Variants in GNG12 observed in about 807,000 individuals in gnomAD.
GNG12 encodes the protein G protein subunit gamma 12, also known as guanine nucleotide-binding protein G(I)/G(S)/G(O) subunit gamma-12.
For missense variants in GNG12, 69 were observed against 83.8 expected (o/e 0.82, Z 0.69); for synonymous variants, 28 against 29.7 (o/e 0.94, Z 0.19).
At position 67,703,913 on chromosome 1, in the gene GNG12, TG is replaced by T. The variant is rs1646229661; in HGVS notation, c.*1537del. 1 of 152,252 alleles carries T rather than the reference TG, an allele frequency of 6.6e-6. No homozygotes were observed. The highest frequency in any genetic ancestry group is 6.5e-5 in the Admixed American group (1 of 15,288). 9.4% of individuals were successfully genotyped at this position (152,252 alleles called of 1,614,324 possible). A position where few individuals can be genotyped will look rare whatever the true frequency, so the allele number is the denominator to read the frequency against. On this transcript the variant is annotated 3_prime_UTR_variant, in exon 4 of 4. Coordinates refer to ENST00000370982, the MANE Select transcript of GNG12 (RefSeq NM_018841.6). ...AAAATCGTTGTAAATAATTACTTCC[TG>T]GGGTTGATTCCTTTTTGAGGGGAAG...
At chr1:67,784,157 T>C (rs945340379) in intron 1 of GNG12, among the ~76,000 whole-genome samples, 2 of 150,882 alleles carry the variant, frequency 1.3e-5, no homozygotes, top group Non-Finnish European at 3.0e-5. Context: ...AGAGTTCATG[T>C]CCTTTGTAGG....
At chr1:67,813,356 G>A in intron 1 of GNG12, among the ~76,000 whole-genome samples, 1 of 152,124 alleles carries the variant, frequency 6.6e-6, no homozygotes, top group Non-Finnish European at 1.5e-5. Flanking sequence ...TGATAAATCT[G>A]GTGCAGTTTA....
At chr1:67,785,168 T>A (rs1429473206) in intron 1 of GNG12, among the ~76,000 whole-genome samples, 2 of 152,144 alleles carry the variant, frequency 1.3e-5, no homozygotes, top group Non-Finnish European at 2.9e-5. Flanking sequence ...TAAGAAAGCC[T>A]TTACACACAG....
intron 2 of GNG12, among the ~76,000 whole-genome samples, chr1:67,708,816 G>T (rs1570473194): frequency 1.3e-5 from 2 of 152,296 alleles, no homozygotes; most frequent in African/African-American, 4.8e-5. Flanking sequence ...CTATGTGAGG[G>T]CTCAGCAAAG....
At chr1:67,795,143 A>G (rs886392841) in intron 1 of GNG12, among the ~76,000 whole-genome samples, 7 of 152,232 alleles carry the variant, frequency 4.6e-5, no homozygotes, top group Non-Finnish European at 7.3e-5. Flanking sequence ...TGCAGCTTCA[A>G]ACAGTAATCT....
At chr1:67,716,072 G>A (rs1196518495) in intron 2 of GNG12, among the ~76,000 whole-genome samples, 1 of 152,212 alleles carries the variant, frequency 6.6e-6, no homozygotes, top group Non-Finnish European at 1.5e-5. Context: ...AGAACATGTT[G>A]CTGGCTTACA....
intron 3 of GNG12, among the ~76,000 whole-genome samples, chr1:67,707,212 C>T (rs1464559232): frequency 6.6e-6 from 1 of 152,250 alleles, no homozygotes; most frequent in Non-Finnish European, 1.5e-5. Context: ...TTACGTGAAG[C>T]TGCCTCAGCT....
chr1:67,766,133 CA>C (rs1557610087), intron 2 of GNG12, among the ~76,000 whole-genome samples: 4 of 151,442 alleles, frequency 2.6e-5, no homozygotes, highest in African/African-American at 9.7e-5. Context: ...CACACACACA[CA>C]CACACACACA....
intron 1 of GNG12, among the ~76,000 whole-genome samples, chr1:67,787,036 A>AGTGTGTGTGT (rs56084524): frequency 0.12 from 15,734 of 131,216 alleles, 1,029 homozygotes; most frequent in East Asian, 0.22. Context: ...TATGTGTATA[A>AGTGTGTGTGT]GTGTGTGTGT....
intron 2 of GNG12, among the ~76,000 whole-genome samples, chr1:67,735,689 AAGG>A (rs1646448776): frequency 6.6e-6 from 1 of 152,222 alleles, no homozygotes; most frequent in Non-Finnish European, 1.5e-5. Flanking sequence ...ATTCAATTAA[AAGG>A]GGCAGAGAAT....
At chr1:67,760,867 A>C (rs1192798141) in intron 2 of GNG12, among the ~76,000 whole-genome samples, 2 of 152,196 alleles carry the variant, frequency 1.3e-5, no homozygotes. Flanking sequence ...ATACCAGCTA[A>C]TATGTATTAA....
At chr1:67,822,115 G>C (rs1646988214) in intron 1 of GNG12, among the ~76,000 whole-genome samples, 1 of 152,014 alleles carries the variant, frequency 6.6e-6, no homozygotes, top group Non-Finnish European at 1.5e-5. Flanking sequence ...GCAAGTTTAT[G>C]AATTTGTATT....
intron 1 of GNG12, among the ~76,000 whole-genome samples, chr1:67,784,468 A>G (rs1646756250): frequency 1.3e-5 from 2 of 151,970 alleles, no homozygotes; most frequent in Non-Finnish European, 2.9e-5. Flanking sequence ...AATAATAAAA[A>G]AATTAAAAAA....
intron 1 of GNG12, among the ~76,000 whole-genome samples, chr1:67,792,301 C>A (rs762709337): frequency 3.5e-4 from 53 of 150,380 alleles, no homozygotes; most frequent in Non-Finnish European, 6.5e-4. Context: ...AAAAAATACA[C>A]ATTTTTTGGT....
At chr1:67,764,559 G>A (rs1646624848) in intron 2 of GNG12, among the ~76,000 whole-genome samples, 1 of 152,114 alleles carries the variant, frequency 6.6e-6, no homozygotes, top group Non-Finnish European at 1.5e-5. Flanking sequence ...GCTCAGCATT[G>A]CAATTACCTG....
At chr1:67,743,777 GT>G (rs970431026) in intron 2 of GNG12, among the ~76,000 whole-genome samples, 12 of 152,302 alleles carry the variant, frequency 7.9e-5, no homozygotes, top group African/African-American at 2.9e-4. Context: ...AATTCTTTGT[GT>G]TTATAAGCAG....
intron 2 of GNG12, among the ~76,000 whole-genome samples, chr1:67,768,632 T>C (rs1244305353): frequency 6.6e-6 from 1 of 152,238 alleles, no homozygotes; most frequent in East Asian, 1.9e-4. Flanking sequence ...TTTCCTTTAA[T>C]ATAGCTATCT....
chr1:67,765,770 C>T (rs753531537), intron 2 of GNG12, among the ~76,000 whole-genome samples: 51 of 152,118 alleles, frequency 3.4e-4, no homozygotes, highest in Non-Finnish European at 6.8e-4. Flanking sequence ...AGGACTAAAT[C>T]AAAAAGATTT....
chr1:67,793,587 A>C (rs536754211), intron 1 of GNG12, among the ~76,000 whole-genome samples: 3 of 151,846 alleles, frequency 2.0e-5, no homozygotes, highest in South Asian at 4.1e-4. Context: ...GTGCTTGTGC[A>C]GTTTAACTCT....
Sources: gnomAD v4.1 joint callset for allele counts (sites outside exome capture counted in the v4.1 genomes callset) on GRCh38, gnomAD v4.1.1 for gene constraint, MANE v1.5 for transcripts, NCBI Gene and HGNC (gene_info 2026-07-23, HGNC 2026-07-21) for gene names.